The following ARFIP1 variants were observed in gnomAD, a reference collection of about 807,000 sequenced individuals.
The protein encoded by ARFIP1 is arfaptin-1.
Under a neutral mutation model 42.5 loss-of-function variants are expected in ARFIP1, and 24 were observed. That is an observed-to-expected ratio of 0.57 (90% CI 0.41 to 0.80). The LOEUF (loss-of-function observed/expected upper bound fraction) is 0.80, where lower values mean the gene tolerates loss of function less well. Among genes scored for constraint, ARFIP1 ranks in the 30% least tolerant of loss-of-function variants. The probability of loss-of-function intolerance (pLI) is 0.00; values close to 1 mark genes in which losing one functional copy is unlikely to be tolerated. For missense variants in ARFIP1, 354 were observed against 434.0 expected, an observed-to-expected ratio of 0.82 and a Z score of 1.64; for synonymous variants, 141 against 153.7, an observed-to-expected ratio of 0.92 and a Z score of 0.61.
chr4:152,886,307 C>T (rs1480812448), intron 7 of ARFIP1, among the ~76,000 whole-genome samples: 1 of 151,976 alleles, frequency 6.6e-6, no homozygotes, highest in Admixed American at 6.6e-5. Context: ...CAGTGGCTTC[C>T]CATTACTTCT....
Position 152,878,925 on chromosome 4 carries a change from T to C in ARFIP1, c.412-2038T>C, listed in dbSNP as rs535968611. On this transcript the variant is annotated intron_variant, in intron 5 of 8. Transcript: ENST00000353617. ...TAATATTGCATAGGGAAAACCCTGG[T>C]GTGGAAGAAAAATATGGGAATAAGT... Among the ~76,000 whole-genome samples, 5 of 152,326 alleles carry C rather than the reference T, an allele frequency of 3.3e-5. No individual in the cohort carries two copies. The East Asian group carries it at 9.6e-4, about 29-fold the overall frequency.
intron 1 of ARFIP1, among the ~76,000 whole-genome samples, chr4:152,811,366 A>C (rs907439230): frequency 1.3e-5 from 2 of 152,204 alleles, no homozygotes; most frequent in African/African-American, 4.8e-5. Context: ...CAAAGCCCTT[A>C]GTCTTCTCAT....
At chr4:152,782,641 T>C in intron 1 of ARFIP1, among the ~76,000 whole-genome samples, 1 of 152,240 alleles carries the variant, frequency 6.6e-6, no homozygotes, top group East Asian at 1.9e-4. Context: ...TTGGCTTTGC[T>C]ATGAAAAACA....
chr4:152,852,651 G>A (rs1271100072), intron 2 of ARFIP1, among the ~76,000 whole-genome samples: 1 of 151,844 alleles, frequency 6.6e-6, no homozygotes, highest in African/African-American at 2.4e-5. Flanking sequence ...AAAAAATTTC[G>A]GGTTATGTAA....
intron 8 of ARFIP1, 141 bp downstream of exon 8, chr4:152,888,448 T>A (rs904891758): frequency 2.7e-5 from 16 of 602,340 alleles, no homozygotes; most frequent in Non-Finnish European, 4.3e-5. Context: ...TTTGAGTTTT[T>A]AGAAGCATAC....
At chr4:152,798,487 G>A (rs1287368069) in intron 1 of ARFIP1, among the ~76,000 whole-genome samples, 1 of 152,166 alleles carries the variant, frequency 6.6e-6, no homozygotes, top group Admixed American at 6.5e-5. Flanking sequence ...GTGGTATGGA[G>A]AAAATTGTAT....
intron 1 of ARFIP1, among the ~76,000 whole-genome samples, chr4:152,795,624 G>A (rs1422297834): frequency 6.6e-6 from 1 of 152,022 alleles, no homozygotes; most frequent in East Asian, 1.9e-4. Flanking sequence ...CTCTAGAATG[G>A]TTGTACCAAT....
chr4:152,856,714 A>AT (rs1733470311), intron 2 of ARFIP1, among the ~76,000 whole-genome samples: 1 of 152,122 alleles, frequency 6.6e-6, no homozygotes, highest in Non-Finnish European at 1.5e-5. Flanking sequence ...GTTTTCTTAC[A>AT]TTTTTTGTAT....
chr4:152,781,234 CTTT>C (rs535397594), intron 1 of ARFIP1, among the ~76,000 whole-genome samples: 2 of 118,912 alleles, frequency 1.7e-5, no homozygotes, highest in Non-Finnish European at 3.4e-5. Context: ...TTTCTTTTTT[CTTT>C]TTTTTTTTTT....
chr4:152,873,927 C>A (rs960627216), intron 5 of ARFIP1, among the ~76,000 whole-genome samples: 3 of 152,108 alleles, frequency 2.0e-5, no homozygotes, highest in South Asian at 4.1e-4. Flanking sequence ...ACCAAATTTC[C>A]CAGAAACTTC....
chr4:152,873,105 A>G (rs953593130), intron 5 of ARFIP1, among the ~76,000 whole-genome samples: 3 of 152,214 alleles, frequency 2.0e-5, no homozygotes, highest in African/African-American at 7.2e-5. Context: ...CAAATTATTT[A>G]ACCCATATTG....
chr4:152,906,692 T>C (rs1738384794), intron 8 of ARFIP1, among the ~76,000 whole-genome samples: 1 of 152,216 alleles, frequency 6.6e-6, no homozygotes. Context: ...CCAGTAGCTT[T>C]TCATCTCATT....
At chr4:152,799,216 A>G (rs538739017) in intron 1 of ARFIP1, among the ~76,000 whole-genome samples, 3 of 126,824 alleles carry the variant, frequency 2.4e-5, no homozygotes, top group African/African-American at 7.6e-5. Context: ...GTTGTAATGA[A>G]TAGATATACA....
At chr4:152,909,794 C>A (rs373566535) in intron 8 of ARFIP1, among the ~76,000 whole-genome samples, 1 of 152,164 alleles carries the variant, frequency 6.6e-6, no homozygotes, top group African/African-American at 2.4e-5. Flanking sequence ...TTTAATTAAT[C>A]CTCTCAATAA....
rs553359048 is a variant in ARFIP1 at position 152,832,463 on chromosome 4, T to A, written c.93+2737T>A. Among the ~76,000 whole-genome samples the A allele has an allele frequency of 2.0e-5, 3 of 152,356 alleles. No homozygotes were observed. In the South Asian group the frequency reaches 6.2e-4, roughly 32 times the overall value. ...TTCTAATCTATTTGTAGGAGTTCTT[T>A]ATATATTCTGGGTATATGCCATTTG... On this transcript the variant is annotated intron_variant, in intron 2 of 8. Transcript: ENST00000353617.
At chr4:152,795,857 A>T (rs1731431750) in intron 1 of ARFIP1, among the ~76,000 whole-genome samples, 5 of 18,114 alleles carry the variant, frequency 2.8e-4, no homozygotes, top group East Asian at 1.6e-3. Flanking sequence ...TTTTTTGGTG[A>T]ATTGACTGTC....
intron 1 of ARFIP1, among the ~76,000 whole-genome samples, chr4:152,804,535 A>C (rs1728859449): frequency 7.3e-6 from 1 of 136,264 alleles, no homozygotes; most frequent in African/African-American, 2.8e-5. Context: ...GGGCCTGTTC[A>C]TGTATTTCAG....
At chr4:152,846,819 T>C (rs1216332887) in intron 2 of ARFIP1, among the ~76,000 whole-genome samples, 1 of 152,212 alleles carries the variant, frequency 6.6e-6, no homozygotes, top group Non-Finnish European at 1.5e-5. Context: ...TAATGCACTT[T>C]TAAAAGTTTA....
chr4:152,902,356 G>C (rs562710510), intron 8 of ARFIP1, among the ~76,000 whole-genome samples: 1 of 152,286 alleles, frequency 6.6e-6, no homozygotes, highest in Non-Finnish European at 1.5e-5. Flanking sequence ...AAAAAAGTTA[G>C]CCAGGTATGG....
Sources: allele counts gnomAD v4.1 joint callset (sites outside exome capture counted in the v4.1 genomes callset), GRCh38; gene constraint gnomAD v4.1.1; transcripts MANE v1.5; gene names NCBI Gene and HGNC (gene_info 2026-07-23, HGNC 2026-07-21).